Variants in AFAP1L2 observed in about 807,000 individuals in gnomAD.
AFAP1L2 encodes actin filament-associated protein 1-like 2.
AFAP1L2 carries 46 observed loss-of-function variants against 99.3 expected under a neutral mutation model. The observed-to-expected ratio is 0.46, with a 90% CI of 0.37 to 0.59. AFAP1L2 has a LOEUF of 0.59. AFAP1L2 is among the 20% of genes least tolerant of loss of function. AFAP1L2 has a pLI of 0.00. For synonymous variants in AFAP1L2, 397 were observed against 419.1 expected, an observed-to-expected ratio of 0.95 and a Z score of 0.64; for missense variants, 959 against 1,034.9, an observed-to-expected ratio of 0.93 and a Z score of 1.01.
Position 114,329,611 on chromosome 10 carries a change from C to A in AFAP1L2, c.315+2192G>T, listed in dbSNP as rs79229300. Among the ~76,000 whole-genome samples the A allele has an allele frequency of 5.8e-3, 880 of 152,328 alleles. 7 individuals are homozygous for A. The highest frequency in any genetic ancestry group is 0.018 in the African/African-American group (733 of 41,564). On this transcript the variant is annotated intron_variant, in intron 4 of 18. Transcript: ENST00000304129. ...CTTTCCACTCCCACCACCCAGCAAG[C>A]AATGCCTGGGCCATACCAGAAAACC...
intron 4 of AFAP1L2, among the ~76,000 whole-genome samples, chr10:114,329,377 T>C (rs569763894): frequency 6.6e-6 from 1 of 152,318 alleles, no homozygotes; most frequent in East Asian, 1.9e-4. Context: ...CAGTCCATGC[T>C]GTGCTTGTAA....
intron 10 of AFAP1L2, 52 bp from the exon 11 acceptor site, chr10:114,304,982 CA>C: frequency 8.8e-7 from 1 of 1,137,212 alleles, no homozygotes; most frequent in South Asian, 1.5e-5. Context: ...GGAGGGGACG[CA>C]GATGCAGGAG....
At chr10:114,358,661 T>C (rs2051748553) in intron 1 of AFAP1L2, among the ~76,000 whole-genome samples, 1 of 152,196 alleles carries the variant, frequency 6.6e-6, no homozygotes, top group Non-Finnish European at 1.5e-5. Flanking sequence ...ACACCTGTAA[T>C]TCCAGCACTT....
In AFAP1L2 at chr10:114,322,358, T is replaced by A. The variant is rs149451891; in HGVS notation, c.406+813A>T. 3.5e-3 allele frequency among the ~76,000 whole-genome samples: 527 copies of A among 152,322 alleles called. 2 individuals are homozygous for A. The highest frequency in any genetic ancestry group is 0.012 in the African/African-American group (501 of 41,558). Reference sequence around the variant, plus strand: ...GTCATTCCTGTGGCTGGCAGCCCCATCTGCGTCCCCACCTCCTTTCATTCT... The same window carrying A: ...GTCATTCCTGTGGCTGGCAGCCCCAACTGCGTCCCCACCTCCTTTCATTCT... On this transcript the variant is annotated intron_variant, in intron 5 of 18. Coordinates refer to ENST00000304129, the MANE Select transcript of AFAP1L2 (RefSeq NM_001001936.3).
chr10:114,319,940 T>C (rs1232217263), intron 5 of AFAP1L2, among the ~76,000 whole-genome samples: 1 of 152,188 alleles, frequency 6.6e-6, no homozygotes, highest in Non-Finnish European at 1.5e-5. Context: ...CGGCTGGTGC[T>C]GTTAAGAAGC....
chr10:114,343,905 T>C (rs769002031), intron 1 of AFAP1L2, among the ~76,000 whole-genome samples: 14 of 152,164 alleles, frequency 9.2e-5, no homozygotes, highest in Non-Finnish European at 1.8e-4. Flanking sequence ...ATGGTGCTGC[T>C]GGGCCTGGAT....
At chr10:114,314,167 C>CCTCTTAGTCTTGCTGGGTT in intron 6 of AFAP1L2, 117 bp from the exon 7 acceptor site, 1 of 1,028,408 alleles carries the variant, frequency 9.7e-7, no homozygotes, top group South Asian at 1.7e-5. Flanking sequence ...CTTAACCCAG[C>CCTCTTAGTCTTGCTGGGTT]AAGACTAAGA....
At chr10:114,331,357 G>A (rs1035184268) in intron 4 of AFAP1L2, among the ~76,000 whole-genome samples, 1 of 152,114 alleles carries the variant, frequency 6.6e-6, no homozygotes, top group African/African-American at 2.4e-5. Context: ...ATTCACAAGT[G>A]TGATCACAGT....
chr10:114,346,802 T>G (rs1474666977), intron 1 of AFAP1L2, among the ~76,000 whole-genome samples: 1 of 152,220 alleles, frequency 6.6e-6, no homozygotes, highest in Non-Finnish European at 1.5e-5. Context: ...TGTTTGAGAC[T>G]TCCAAGGCCC....
chr10:114,298,593 G>A (rs2040614518), intron 16 of AFAP1L2, among the ~76,000 whole-genome samples: 1 of 152,162 alleles, frequency 6.6e-6, no homozygotes, highest in Non-Finnish European at 1.5e-5. Flanking sequence ...GCTCACACCT[G>A]TAATCCCAGC....
rs571291697 is a variant in AFAP1L2 at position 114,362,207 on chromosome 10, G to A, written c.17-21476C>T. Among the ~76,000 whole-genome samples, 22 of 152,288 alleles carry A rather than the reference G, an allele frequency of 1.4e-4. 1 individual carries two copies. In the South Asian group the frequency reaches 4.4e-3, roughly 30 times the overall value. On this transcript the variant is annotated intron_variant, in intron 1 of 18. Coordinates refer to ENST00000304129, the MANE Select transcript of AFAP1L2 (RefSeq NM_001001936.3). The stretch of plus-strand genomic sequence containing the variant: ...ACACATGAAAATTGCCAGACACAAA[G>A]CACTATTCAATACATGTTATTACTA...
At chr10:114,394,870 C>A (rs1218380846) in intron 1 of AFAP1L2, among the ~76,000 whole-genome samples, 2 of 152,154 alleles carry the variant, frequency 1.3e-5, no homozygotes, top group East Asian at 3.9e-4. Context: ...CAAGTACCTG[C>A]CCCTGCTCTC....
chr10:114,341,277 C>G (rs58283088), intron 1 of AFAP1L2, among the ~76,000 whole-genome samples: 2,223 of 152,296 alleles, frequency 0.015, 59 homozygotes, highest in African/African-American at 0.051. Context: ...CTTGACTGCA[C>G]GGCTTTAAAG....
chr10:114,345,406 A>G (rs1188374876), intron 1 of AFAP1L2, among the ~76,000 whole-genome samples: 1 of 152,176 alleles, frequency 6.6e-6, no homozygotes, highest in Admixed American at 6.5e-5. Context: ...TGGGTCCTCA[A>G]GAGGATGGAT....
rs142056221 is a variant in AFAP1L2, at chr10:114,337,041, A to G, written c.145+3562T>C. Among the ~76,000 whole-genome samples, 890 of 152,342 alleles carry G rather than the reference A, an allele frequency of 5.8e-3. 4 individuals are homozygous for G. Among genetic ancestry groups the G allele is most frequent in the Non-Finnish European group, 9.9e-3 (676 of 68,026 alleles). ...CTCGCCTCCACCTACAAGTCTCAACAGGCTGAGCTAAGTTTTGGGTAGAGG... is the reference window on the plus strand; with the variant it reads ...CTCGCCTCCACCTACAAGTCTCAACGGGCTGAGCTAAGTTTTGGGTAGAGG... On this transcript the variant is annotated intron_variant, in intron 2 of 18. Transcript: ENST00000304129.
intron 1 of AFAP1L2, among the ~76,000 whole-genome samples, chr10:114,344,526 C>T (rs1023795056): frequency 2.6e-5 from 4 of 152,150 alleles, no homozygotes; most frequent in African/African-American, 9.7e-5. Flanking sequence ...GGAAAATAGC[C>T]TTTGTTTCTA....
At chr10:114,283,030 A>C in the AFAP1L2 span, among the ~76,000 whole-genome samples, 1 of 152,216 alleles carries the variant, frequency 6.6e-6, no homozygotes, top group African/African-American at 2.4e-5. Context: ...GTAATCCCTC[A>C]GCTGTAAAAT....
rs1236781658 is a variant in AFAP1L2, at chr10:114,300,651, G to T, written c.1582C>A (p.Pro528Thr). ...ACTCGGTCAGATTCTCTCTCATTTG[G>T]GTCATCTGCAACAGGGGTGGCTTCC... The part of the protein sequence containing the change: ...TEEATPVADD[P>T]NERESDRVYL... Residue 528 changes from proline to threonine, a missense_variant, in exon 14 of 19, where the codon CCA (proline) becomes ACA (threonine). Physicochemically the swap from Pro to Thr is conservative, Grantham distance 38. Coordinates refer to ENST00000304129, the MANE Select transcript of AFAP1L2 (RefSeq NM_001001936.3). The T allele has an allele frequency of 3.7e-6, 6 of 1,609,772 alleles. No homozygotes were observed. The highest frequency in any genetic ancestry group is 3.3e-5 in the Admixed American group (2 of 59,708).
At chr10:114,290,864 GAGAAA>G (rs1218849774), downstream of AFAP1L2, among the ~76,000 whole-genome samples, 1 of 152,186 alleles carries the variant, frequency 6.6e-6, no homozygotes, top group Non-Finnish European at 1.5e-5. Flanking sequence ...AGAGGTTTGA[GAGAAA>G]AGAAGTCATT....
Sources: gnomAD v4.1 joint callset for allele counts (sites outside exome capture counted in the v4.1 genomes callset) on GRCh38, gnomAD v4.1.1 for gene constraint, MANE v1.5 for transcripts, NCBI Gene and HGNC (gene_info 2026-07-23, HGNC 2026-07-21) for gene names.